Variants in CACNA2D3 observed in about 807,000 individuals in gnomAD.
CACNA2D3 encodes calcium voltage-gated channel auxiliary subunit alpha2delta 3, also known as voltage-dependent calcium channel subunit alpha-2/delta-3.
In CACNA2D3, 60 loss-of-function variants were observed where a neutral mutation model predicts 160.6. The observed-to-expected ratio is 0.37, with a 90% CI of 0.30 to 0.46. The LOEUF (loss-of-function observed/expected upper bound fraction) is 0.46, where lower values mean the gene tolerates loss of function less well. Among genes scored for constraint, CACNA2D3 ranks in the 20% least tolerant of loss-of-function variants. CACNA2D3 has a pLI of 1.00. For missense variants in CACNA2D3, 1,205 were observed against 1,365.0 expected (o/e 0.88, Z 1.85); for synonymous variants, 558 against 492.9 (o/e 1.13, Z -1.75).
intron 27 of CACNA2D3, chr3:54,924,863 G>A (rs765487824): frequency 3.7e-6 from 6 of 1,613,726 alleles, no homozygotes; most frequent in Admixed American, 3.3e-5. Flanking sequence ...GCTGAGGGAG[G>A]GAATGGAAAA....
chr3:54,213,467 G>A (rs967711196), intron 2 of CACNA2D3, among the ~76,000 whole-genome samples: 1 of 152,178 alleles, frequency 6.6e-6, no homozygotes, highest in African/African-American at 2.4e-5. Context: ...TTCCTTAGTT[G>A]CGGCTCATCG....
chr3:54,770,043 G>T (rs1702291006), intron 13 of CACNA2D3, among the ~76,000 whole-genome samples: 1 of 152,166 alleles, frequency 6.6e-6, no homozygotes, highest in South Asian at 2.1e-4. Context: ...GGGAAATACG[G>T]TAGCAGCCCC....
intron 2 of CACNA2D3, among the ~76,000 whole-genome samples, chr3:54,276,885 T>A (rs752974781): frequency 5.9e-5 from 9 of 152,266 alleles, no homozygotes; most frequent in Non-Finnish European, 8.8e-5. Context: ...TGCCCACTGA[T>A]GACCAATGAC....
rs187624944 is a variant in CACNA2D3 at position 54,879,690 on chromosome 3, A to G, written c.1844+279A>G. Among the ~76,000 whole-genome samples the G allele has an allele frequency of 2.1e-3, 323 of 152,368 alleles. 1 individual carries two copies. The highest frequency in any genetic ancestry group is 7.3e-3 in the African/African-American group (302 of 41,580). ...GGGGTTCCCGCTAAGGGTGAAGACA[A>G]GTGCAGAGGGTTACCAGGGTCCTTA... On this transcript the variant is annotated intron_variant, in intron 20 of 37. Transcript: ENST00000474759.
chr3:54,292,566 AT>A (rs1222036726), intron 2 of CACNA2D3, among the ~76,000 whole-genome samples: 2 of 152,188 alleles, frequency 1.3e-5, no homozygotes, highest in Non-Finnish European at 2.9e-5. Flanking sequence ...CAATAAGTAC[AT>A]GAAAAAAAAT....
intron 4 of CACNA2D3, among the ~76,000 whole-genome samples, chr3:54,467,599 C>T (rs1255935836): frequency 6.6e-6 from 1 of 152,058 alleles, no homozygotes; most frequent in Non-Finnish European, 1.5e-5. Context: ...AATCTGGAGA[C>T]ATTATATTGA....
rs1344477919 is a variant in CACNA2D3 at position 54,399,853 on chromosome 3, G to A, written c.381+13079G>A. ...AGCTGTGGTGGGCTCCACCCAGTTC[G>A]AGCTTCCCAGCAAGCCTGGGCAATG... On this transcript the variant is annotated intron_variant, in intron 4 of 37. Transcript: ENST00000474759. 5.6e-5 allele frequency among the ~76,000 whole-genome samples: 7 copies of A among 125,082 alleles called. 2 individuals carry two copies. The highest frequency in any genetic ancestry group is 1.2e-4 in the Non-Finnish European group (7 of 58,908). 82.1% of individuals were successfully genotyped at this position (125,082 alleles called of 152,430 possible). A position where few individuals can be genotyped will look rare whatever the true frequency, so the allele number is the denominator to read the frequency against.
intron 35 of CACNA2D3, among the ~76,000 whole-genome samples, chr3:55,043,753 T>C (rs183083809): frequency 2.8e-4 from 43 of 152,334 alleles, no homozygotes; most frequent in African/African-American, 9.4e-4. Flanking sequence ...CTTTCTTCTA[T>C]AAATTTTATA....
At chr3:54,909,945 T>G (rs1353299653) in intron 27 of CACNA2D3, among the ~76,000 whole-genome samples, 1 of 152,168 alleles carries the variant, frequency 6.6e-6, no homozygotes, top group Non-Finnish European at 1.5e-5. Context: ...GAAAGTCCAG[T>G]ACATGGACTT....
chr3:54,135,922 G>A (rs1008367477), intron 2 of CACNA2D3, among the ~76,000 whole-genome samples: 2 of 152,246 alleles, frequency 1.3e-5, no homozygotes, highest in Admixed American at 6.5e-5. Flanking sequence ...GCCCGGGCCA[G>A]TGTATTGAGG....
intron 34 of CACNA2D3, among the ~76,000 whole-genome samples, chr3:55,013,258 C>T (rs1377162468): frequency 6.6e-6 from 1 of 152,204 alleles, no homozygotes; most frequent in African/African-American, 2.4e-5. Flanking sequence ...GCACCTAAGT[C>T]AGACAGCTAA....
At chr3:54,720,984 C>T (rs973198023) in intron 11 of CACNA2D3, among the ~76,000 whole-genome samples, 1 of 152,014 alleles carries the variant, frequency 6.6e-6, no homozygotes, top group Non-Finnish European at 1.5e-5. Context: ...TTTTTCTTAT[C>T]TATGTTTCTA....
At chr3:54,596,142 A>G (rs1019006915) in intron 9 of CACNA2D3, among the ~76,000 whole-genome samples, 6 of 151,974 alleles carry the variant, frequency 3.9e-5, no homozygotes, top group Admixed American at 6.6e-5. Context: ...TACACCTACA[A>G]GCCATTTTAG....
intron 8 of CACNA2D3, among the ~76,000 whole-genome samples, chr3:54,580,948 G>A (rs1430737950): frequency 6.6e-6 from 1 of 152,210 alleles, no homozygotes; most frequent in Admixed American, 6.5e-5. Flanking sequence ...GACAGCAGGG[G>A]AATAATGGCT....
At chr3:54,791,701 G>C (rs945399434) in intron 13 of CACNA2D3, among the ~76,000 whole-genome samples, 1 of 152,144 alleles carries the variant, frequency 6.6e-6, no homozygotes, top group African/African-American at 2.4e-5. Flanking sequence ...CATTGAGACA[G>C]ATGGGACTTA....
At chr3:54,490,706 T>C (rs2106919659) in intron 4 of CACNA2D3, among the ~76,000 whole-genome samples, 1 of 152,336 alleles carries the variant, frequency 6.6e-6, no homozygotes, top group Non-Finnish European at 1.5e-5. Context: ...CATAGGTGGC[T>C]ACCTGTCCTT....
In CACNA2D3 at chr3:54,499,623, T is replaced by TA. The variant is rs1365614552; in HGVS notation, c.382-3862dup. ...TAGGCTGTGTTTTCATTTTAATTTTTAAAAAAATTATCTTGAGAATTCTTT... is the reference window on the plus strand; with the variant it reads ...TAGGCTGTGTTTTCATTTTAATTTTTAAAAAAAATTATCTTGAGAATTCTTT... On this transcript the variant is annotated intron_variant, in intron 4 of 37. Transcript: ENST00000474759. Among the ~76,000 whole-genome samples the TA allele has an allele frequency of 4.6e-5, 7 of 152,266 alleles. No individual in the cohort carries two copies. The South Asian group carries it at 6.2e-4, about 14-fold the overall frequency.
At chr3:54,444,034 G>A (rs1700183817) in intron 4 of CACNA2D3, among the ~76,000 whole-genome samples, 2 of 152,172 alleles carry the variant, frequency 1.3e-5, no homozygotes, top group African/African-American at 2.4e-5. Context: ...AGCAAGGCAA[G>A]GAAGGAGTGG....
intron 2 of CACNA2D3, among the ~76,000 whole-genome samples, chr3:54,236,321 G>A (rs1701875062): frequency 6.6e-6 from 1 of 152,186 alleles, no homozygotes. Flanking sequence ...TAATAGTAAT[G>A]TATTAATATT....
Sources: gnomAD v4.1 joint callset for allele counts (sites outside exome capture counted in the v4.1 genomes callset) on GRCh38, gnomAD v4.1.1 for gene constraint, MANE v1.5 for transcripts, NCBI Gene and HGNC (gene_info 2026-07-23, HGNC 2026-07-21) for gene names.